The following GPR139 variants were observed in gnomAD, a reference collection of about 807,000 sequenced individuals.
GPR139 encodes the protein probable G protein-coupled receptor 139.
In GPR139, 12 loss-of-function variants were observed where a neutral mutation model predicts 25.8. The ratio of observed to expected loss-of-function variants is 0.47; its 90% CI spans 0.30 to 0.75. The LOEUF (loss-of-function observed/expected upper bound fraction) is 0.75, where lower values mean the gene tolerates loss of function less well. Among genes scored for constraint, GPR139 ranks in the 30% least tolerant of loss-of-function variants. The pLI is 0.07. For synonymous variants in GPR139, 184 were observed against 179.9 expected (o/e 1.02, Z -0.18); for missense variants, 380 against 450.2 (o/e 0.84, Z 1.41).
rs2057284026 is a variant in GPR139, at chr16:20,030,560, A to G, written c.*1175T>C. On this transcript the variant is annotated 3_prime_UTR_variant, in exon 2 of 2. Transcript: ENST00000570682. ...ACACACTTATATTTTATCATTTTACAAAGGATCTGGGTTAAATAGCTTTAC... is the reference window on the plus strand; with the variant it reads ...ACACACTTATATTTTATCATTTTACGAAGGATCTGGGTTAAATAGCTTTAC... Among the ~76,000 whole-genome samples the G allele has an allele frequency of 6.8e-6, 1 of 146,678 alleles. No homozygotes were observed. The highest frequency in any genetic ancestry group is 1.5e-5 in the Non-Finnish European group (1 of 67,088).
intron 1 of GPR139, among the ~76,000 whole-genome samples, chr16:20,069,608 G>A (rs1242738349): frequency 6.6e-6 from 1 of 152,128 alleles, no homozygotes; most frequent in Non-Finnish European, 1.5e-5. Flanking sequence ...TGGCAGTGGT[G>A]GAAATGCACC....
chr16:20,029,835 C>G lies in GPR139; in HGVS notation c.*1900G>C, dbSNP rs563695821. On this transcript the variant is annotated 3_prime_UTR_variant, in exon 2 of 2. Coordinates refer to ENST00000570682, the MANE Select transcript of GPR139 (RefSeq NM_001002911.4). ...TATGGTCCCTAAATGAGAGCCAATT[C>G]TGTCTTGTCATCAACCAGAGAAACA... Among the ~76,000 whole-genome samples the G allele has an allele frequency of 1.2e-4, 18 of 152,286 alleles. No homozygotes were observed. In the South Asian group the frequency reaches 3.5e-3, roughly 30 times the overall value.
intron 1 of GPR139, among the ~76,000 whole-genome samples, chr16:20,052,180 A>G (rs1189149271): frequency 2.0e-5 from 3 of 151,540 alleles, no homozygotes. Context: ...TCCCCCATCC[A>G]CTCTGTCTGG....
chr16:20,057,345 C>T (rs773351427), intron 1 of GPR139, among the ~76,000 whole-genome samples: 1 of 152,162 alleles, frequency 6.6e-6, no homozygotes, highest in Non-Finnish European at 1.5e-5. Flanking sequence ...CATGGAGCAA[C>T]ATTTTGGTCT....
rs527709914 is a variant in GPR139 at position 20,046,026 on chromosome 16, C to T, written c.128-13357G>A. 1.4e-4 allele frequency among the ~76,000 whole-genome samples: 21 copies of T among 152,310 alleles called. No individual in the cohort carries two copies. In the South Asian group the frequency reaches 4.2e-3, roughly 30 times the overall value. ...GGGGTGTCAGAGGCTAATTGAGGCTCTGCCTTGGTTGTCGCTGTTTGATTA... is the reference window on the plus strand; with the variant it reads ...GGGGTGTCAGAGGCTAATTGAGGCTTTGCCTTGGTTGTCGCTGTTTGATTA... On this transcript the variant is annotated intron_variant, in intron 1 of 1. Coordinates refer to ENST00000570682, the MANE Select transcript of GPR139 (RefSeq NM_001002911.4).
At chr16:20,055,355 G>A (rs2057385311) in intron 1 of GPR139, among the ~76,000 whole-genome samples, 1 of 152,184 alleles carries the variant, frequency 6.6e-6, no homozygotes, top group South Asian at 2.1e-4. Context: ...TACATTTGGG[G>A]CAGAGGTGGG....
Position 20,032,018 on chromosome 16 carries a change from C to A in GPR139, c.779G>T (p.Arg260Leu). 6.2e-7 allele frequency: 1 copy of A among 1,614,120 alleles called. No individual in the cohort carries two copies. Among genetic ancestry groups the A allele is most frequent in the Non-Finnish European group, 8.5e-7 (1 of 1,180,020 alleles). Residue 260 changes from arginine (R) to leucine (L), a missense_variant, in exon 2 of 2, where the codon CGC (arginine) becomes CTC (leucine). Coordinates refer to ENST00000570682, the MANE Select transcript of GPR139 (RefSeq NM_001002911.4). Reference sequence around the variant, plus strand: ...GTCGGACATGATGTGTACCAGCCAGCGGTTCTGGATGGGCGCCCCATAGAG... The same window carrying A: ...GTCGGACATGATGTGTACCAGCCAGAGGTTCTGGATGGGCGCCCCATAGAG... ...YHLYGAPIQN[R>L]WLVHIMSDIA...
rs752778755 is a variant in GPR139, at chr16:20,031,902, T to C, written c.895A>G (p.Thr299Ala). ...TGGCACTTGAAGAAAGCCTTGAGCGTGGCGGCTGCCATGGTGCGGAACCGC... is the reference window on the plus strand; with the variant it reads ...TGGCACTTGAAGAAAGCCTTGAGCGCGGCGGCTGCCATGGTGCGGAACCGC... ...SKRFRTMAAA[T>A]LKAFFKCQKQ... The change falls in exon 2 of 2, where the codon ACG becomes GCG. Residue 299 changes from threonine to alanine, a missense_variant. Physicochemically the swap from Thr to Ala is moderately conservative, Grantham distance 58. Transcript: ENST00000570682. 1.2e-6 allele frequency: 2 copies of C among 1,614,230 alleles called. No homozygotes were observed. Among genetic ancestry groups the C allele is most frequent in the South Asian group, 2.2e-5 (2 of 91,076 alleles).
At chr16:20,051,448 G>A (rs1247896897) in intron 1 of GPR139, among the ~76,000 whole-genome samples, 1 of 152,150 alleles carries the variant, frequency 6.6e-6, no homozygotes. Flanking sequence ...TGGGACCCAC[G>A]TTCTCTTGGC....
In GPR139 at chr16:20,031,636, G is replaced by C. The variant is rs1034194829; in HGVS notation, c.*99C>G. The stretch of plus-strand genomic sequence containing the variant: ...CCCAGTCTGCGGGAGACAGGAAATC[G>C]GATTAGCACTCTTAAGGAGAGCTGC... On this transcript the variant is annotated 3_prime_UTR_variant, in exon 2 of 2. Coordinates refer to ENST00000570682, the MANE Select transcript of GPR139 (RefSeq NM_001002911.4). 2 of 874,010 alleles carry C rather than the reference G, an allele frequency of 2.3e-6. No individual in the cohort carries two copies. The highest frequency in any genetic ancestry group is 2.3e-4 in the Middle Eastern group (1 of 4,410). 54.1% of individuals were successfully genotyped at this position (874,010 alleles called of 1,614,324 possible).
chr16:20,066,093 G>A (rs2057433188), intron 1 of GPR139, among the ~76,000 whole-genome samples: 1 of 152,072 alleles, frequency 6.6e-6, no homozygotes, highest in Admixed American at 6.5e-5. Context: ...TGATTCTTTG[G>A]GTAAGTGAAG....
chr16:20,072,203 G>C (rs2057461985), intron 1 of GPR139, among the ~76,000 whole-genome samples: 1 of 152,168 alleles, frequency 6.6e-6, no homozygotes, highest in Non-Finnish European at 1.5e-5. Context: ...AGGAATAAAA[G>C]CCTCATCACT....
intron 1 of GPR139, among the ~76,000 whole-genome samples, chr16:20,055,869 A>G (rs2057386920): frequency 6.6e-6 from 1 of 152,234 alleles, no homozygotes; most frequent in Non-Finnish European, 1.5e-5. Flanking sequence ...GTAATTTGCC[A>G]TGTGCCTCAG....
At chr16:20,042,872 G>A (rs2057340997) in intron 1 of GPR139, among the ~76,000 whole-genome samples, 1 of 152,100 alleles carries the variant, frequency 6.6e-6, no homozygotes, top group African/African-American at 2.4e-5. Flanking sequence ...TGGCTGTCTG[G>A]GTGCCATGTT....
At position 20,030,099 on chromosome 16, in the gene GPR139, T is replaced by C. The variant is rs2057282074; in HGVS notation, c.*1636A>G. On this transcript the variant is annotated 3_prime_UTR_variant, in exon 2 of 2. Transcript: ENST00000570682. ...AGGACTAATATGACCTAAGTTTGTA[T>C]TGAGTTAGTATTGAGAGCATTGGCT... Among the ~76,000 whole-genome samples, 1 of 152,204 alleles carries C rather than the reference T, an allele frequency of 6.6e-6. No homozygotes were observed. Among genetic ancestry groups the C allele is most frequent in the Admixed American group, 6.5e-5 (1 of 15,278 alleles).
At chr16:20,061,411 A>G (rs1217972290) in intron 1 of GPR139, among the ~76,000 whole-genome samples, 1 of 151,940 alleles carries the variant, frequency 6.6e-6, no homozygotes, top group Middle Eastern at 3.2e-3. Context: ...AGATGAATGG[A>G]TGGGGGGATG....
rs2057285841 is a variant in GPR139, at chr16:20,031,042, A to G, written c.*693T>C. The stretch of plus-strand genomic sequence containing the variant: ...GTCTTTGTTTTGGAGGAGATAGAGA[A>G]AATCTATACATAATGATAAATAGAA... On this transcript the variant is annotated 3_prime_UTR_variant, in exon 2 of 2. Coordinates refer to ENST00000570682, the MANE Select transcript of GPR139 (RefSeq NM_001002911.4). Among the ~76,000 whole-genome samples the G allele has an allele frequency of 6.6e-6, 1 of 152,126 alleles. No individual in the cohort carries two copies. The highest frequency in any genetic ancestry group is 1.9e-4 in the East Asian group (1 of 5,188).
At chr16:20,069,660 C>T (rs1567241548) in intron 1 of GPR139, among the ~76,000 whole-genome samples, 2 of 152,184 alleles carry the variant, frequency 1.3e-5, no homozygotes, top group Non-Finnish European at 2.9e-5. Context: ...TCATCTCTTT[C>T]CTCACCTTGT....
intron 1 of GPR139, among the ~76,000 whole-genome samples, chr16:20,060,891 T>C (rs2057410480): frequency 6.6e-6 from 1 of 152,178 alleles, no homozygotes; most frequent in African/African-American, 2.4e-5. Context: ...TCCTTCCATG[T>C]CCTTCAGATT....
Sources: gnomAD v4.1 joint callset for allele counts (sites outside exome capture counted in the v4.1 genomes callset) on GRCh38, gnomAD v4.1.1 for gene constraint, MANE v1.5 for transcripts, NCBI Gene and HGNC (gene_info 2026-07-23, HGNC 2026-07-21) for gene names.